GRIK4: variants seen among roughly 807,000 people sequenced by gnomAD.
GRIK4 encodes glutamate receptor ionotropic, kainate 4.
In GRIK4, 40 loss-of-function variants were observed where a neutral mutation model predicts 104.9. The observed-to-expected ratio is 0.38, with a 90% CI of 0.30 to 0.50. The LOEUF is 0.50. Among genes scored for constraint, GRIK4 ranks in the 20% least tolerant of loss-of-function variants. The probability of loss-of-function intolerance (pLI) is 0.93; values close to 1 mark genes in which losing one functional copy is unlikely to be tolerated. For synonymous variants in GRIK4, 485 were observed against 524.9 expected (o/e 0.92, Z 1.04); for missense variants, 1,047 against 1,308.1 (o/e 0.80, Z 3.08).
At chr11:120,752,058 A>G (rs1951564906) in intron 3 of GRIK4, among the ~76,000 whole-genome samples, 1 of 152,130 alleles carries the variant, frequency 6.6e-6, no homozygotes, top group African/African-American at 2.4e-5. Flanking sequence ...TGTGCACCCC[A>G]CCAAGCCCTG....
At chr11:120,925,160 C>G (rs1349101798) in intron 13 of GRIK4, among the ~76,000 whole-genome samples, 2 of 152,160 alleles carry the variant, frequency 1.3e-5, no homozygotes, top group Non-Finnish European at 2.9e-5. Context: ...TAGAAGTTCT[C>G]TATGGCTGTG....
chr11:120,951,359 C>T (rs561204650), intron 14 of GRIK4, among the ~76,000 whole-genome samples: 116 of 152,350 alleles, frequency 7.6e-4, no homozygotes, highest in African/African-American at 2.8e-3. Flanking sequence ...CTTGGAGTTT[C>T]TCAGCTTCTT....
chr11:120,777,670 C>T (rs1952069711), intron 3 of GRIK4, among the ~76,000 whole-genome samples: 1 of 152,248 alleles, frequency 6.6e-6, no homozygotes, highest in Non-Finnish European at 1.5e-5. Context: ...GGTGCGGTGG[C>T]TCACGCCTGT....
At chr11:120,707,221 C>T (rs1181596763) in intron 3 of GRIK4, among the ~76,000 whole-genome samples, 1 of 152,172 alleles carries the variant, frequency 6.6e-6, no homozygotes, top group African/African-American at 2.4e-5. Context: ...AGGCTAAGTA[C>T]ATGAGTCAGG....
intron 1 of GRIK4, among the ~76,000 whole-genome samples, chr11:120,579,868 A>C (rs1055852232): frequency 1.7e-4 from 26 of 152,146 alleles, no homozygotes; most frequent in African/African-American, 6.3e-4. Context: ...CATCTCCGTC[A>C]CCTGCCAAAT....
At position 120,905,698 on chromosome 11, in the gene GRIK4, C is replaced by T. The variant is rs1282193029; in HGVS notation, c.1476+205C>T. 1.3e-5 allele frequency among the ~76,000 whole-genome samples: 2 copies of T among 152,230 alleles called. No individual in the cohort carries two copies. Among genetic ancestry groups the T allele is most frequent in the African/African-American group, 2.4e-5 (1 of 41,468 alleles). ...GATAAGCCTGCAATGATCCCTATCCCGTGGCTTTCCCAGTCCAGAGCCTGT... is the reference window on the plus strand; with the variant it reads ...GATAAGCCTGCAATGATCCCTATCCTGTGGCTTTCCCAGTCCAGAGCCTGT... On this transcript the variant is annotated intron_variant, in intron 13 of 20. Transcript: ENST00000527524. The surrounding 1 kb of genome is among the most constrained non-coding windows in gnomAD (Gnocchi z 5.1).
rs7944108 is a variant in GRIK4 at position 120,607,385 on chromosome 11, G to A, written c.-158-46300G>A. 3.8e-3 allele frequency among the ~76,000 whole-genome samples: 580 copies of A among 152,278 alleles called. 6 individuals are homozygous for A. The highest frequency in any genetic ancestry group is 0.013 in the African/African-American group (543 of 41,544). ...ACAGCACGTTGGTGTGCAGGAGGCC[G>A]GGAGAAGGCCTTCATGAAGAGAGCC... On this transcript the variant is annotated intron_variant, in intron 1 of 20. Coordinates refer to ENST00000527524, the MANE Select transcript of GRIK4 (RefSeq NM_014619.5).
At chr11:120,569,716 G>C (rs1025146288) in intron 1 of GRIK4, among the ~76,000 whole-genome samples, 6 of 152,210 alleles carry the variant, frequency 3.9e-5, no homozygotes, top group Non-Finnish European at 8.8e-5. Context: ...CTCCACAGTG[G>C]CAGAGGAGAA....
At chr11:120,707,474 C>T (rs1950650253) in intron 3 of GRIK4, among the ~76,000 whole-genome samples, 1 of 152,204 alleles carries the variant, frequency 6.6e-6, no homozygotes, top group Non-Finnish European at 1.5e-5. Flanking sequence ...GCTCTGTAAC[C>T]TCAGAGTTGC....
At chr11:120,869,368 A>G (rs1565404165) in intron 9 of GRIK4, 1 of 152,144 alleles carries the variant, frequency 6.6e-6, no homozygotes, top group East Asian at 1.9e-4. Flanking sequence ...CAGTGGTTTC[A>G]CCCCTCTGAA....
chr11:120,844,667 C>T (rs1953807394), intron 8 of GRIK4, among the ~76,000 whole-genome samples: 2 of 152,140 alleles, frequency 1.3e-5, no homozygotes, highest in African/African-American at 4.8e-5. Flanking sequence ...GGCCCTATTC[C>T]CTGTTCCGCA....
intron 11 of GRIK4, among the ~76,000 whole-genome samples, chr11:120,890,315 GA>G (rs1011447937): frequency 1.3e-5 from 2 of 152,002 alleles, no homozygotes; most frequent in East Asian, 1.9e-4. Flanking sequence ...GGGAGAGGAG[GA>G]AAAAAAATGT....
At chr11:120,558,623 C>A (rs188618326) in intron 1 of GRIK4, among the ~76,000 whole-genome samples, 1 of 152,178 alleles carries the variant, frequency 6.6e-6, no homozygotes, top group African/African-American at 2.4e-5. Context: ...ACAAAAAAAA[C>A]CCTCACAGAT....
chr11:120,525,367 G>T (rs1947845316), intron 1 of GRIK4, among the ~76,000 whole-genome samples: 1 of 152,088 alleles, frequency 6.6e-6, no homozygotes, highest in Admixed American at 6.6e-5. Context: ...TCATTAGACG[G>T]ACTCACCAGG....
Position 120,550,382 on chromosome 11 carries a change from T to C in GRIK4, c.-159+38495T>C, listed in dbSNP as rs371302935. Among the ~76,000 whole-genome samples the C allele has an allele frequency of 3.3e-5, 5 of 151,168 alleles. 1 individual carries two copies. Among genetic ancestry groups the C allele is most frequent in the Non-Finnish European group, 1.5e-5 (1 of 67,792 alleles). ...TTGGGGGGTGGGGTGGGGTTCTCCT[T>C]TGAGCCGATGCTGATTAGACAACTC... On this transcript the variant is annotated intron_variant, in intron 1 of 20. Coordinates refer to ENST00000527524, the MANE Select transcript of GRIK4 (RefSeq NM_014619.5).
At chr11:120,826,719 G>T (rs1346008294) in intron 6 of GRIK4, among the ~76,000 whole-genome samples, 3 of 152,206 alleles carry the variant, frequency 2.0e-5, no homozygotes, top group African/African-American at 4.8e-5. Flanking sequence ...GCCTCAGCTG[G>T]CTCCTCTCTC....
At chr11:120,620,390 C>T (rs1409239278) in intron 1 of GRIK4, 4 of 561,322 alleles carry the variant, frequency 7.1e-6, no homozygotes, top group Admixed American at 3.0e-5. Context: ...TCCCCATGTA[C>T]TGCCCCGTAG....
At chr11:120,709,498 T>TA (rs1950688619) in intron 3 of GRIK4, among the ~76,000 whole-genome samples, 1 of 152,176 alleles carries the variant, frequency 6.6e-6, no homozygotes, top group African/African-American at 2.4e-5. Context: ...GTTTTGGAGT[T>TA]ACTTCCTGAG....
chr11:120,597,240 T>A (rs1246307010), intron 1 of GRIK4, among the ~76,000 whole-genome samples: 1 of 152,204 alleles, frequency 6.6e-6, no homozygotes, highest in East Asian at 1.9e-4. Context: ...TCCACCTGGG[T>A]TCCAATCTGG....
Sources: allele counts gnomAD v4.1 joint callset (sites outside exome capture counted in the v4.1 genomes callset), GRCh38; gene constraint gnomAD v4.1.1; non-coding constraint Gnocchi (gnomAD v3.1); transcripts MANE v1.5; gene names NCBI Gene and HGNC (gene_info 2026-07-23, HGNC 2026-07-21).